The following WBP4 variants were observed in gnomAD, a reference collection of about 807,000 sequenced individuals.
The protein encoded by WBP4 is WW domain binding protein 4.
In WBP4, 37 loss-of-function variants were observed where a neutral mutation model predicts 55.4. That is an observed-to-expected ratio of 0.67 (90% confidence interval 0.51 to 0.88). The LOEUF is 0.88. Ranked by LOEUF, WBP4 falls within the 40% of genes least tolerant of loss-of-function variation. The probability of loss-of-function intolerance (pLI) is 0.00; values close to 1 mark genes in which losing one functional copy is unlikely to be tolerated. For missense variants in WBP4, 398 were observed against 420.8 expected, an observed-to-expected ratio of 0.95 and a Z score of 0.47; for synonymous variants, 142 against 140.2, an observed-to-expected ratio of 1.01 and a Z score of -0.09.
chr13:41,062,217 T>G (rs1441661955), intron 1 of WBP4: 17 of 976,780 alleles, frequency 1.7e-5, no homozygotes, highest in Non-Finnish European at 2.1e-5. Flanking sequence ...TGGGAGGAAC[T>G]ACAGTTTTCC....
At chr13:41,066,379 A>T (rs990715415) in intron 4 of WBP4, among the ~76,000 whole-genome samples, 1 of 152,228 alleles carries the variant, frequency 6.6e-6, no homozygotes, top group Non-Finnish European at 1.5e-5. Context: ...TTAAAAACTC[A>T]CTAACTGTTA....
chr13:41,072,794 A>G lies in WBP4; in HGVS notation c.499A>G (p.Thr167Ala). Reference protein sequence around the residue: ...QGDLKKTAVKTVWVEGLSEDG... With the variant: ...QGDLKKTAVKAVWVEGLSEDG... ...TTCCTCCTATTAGACAGCAGTGAAG[A>G]CCGTTTGGGTAGAAGGTTTAAGTGA... is the stretch of plus-strand genomic sequence containing the variant. Residue 167 changes from threonine (T) to alanine (A), a missense_variant, in exon 7 of 10, where the codon ACC (threonine) becomes GCC (alanine). Coordinates refer to ENST00000379487, the MANE Select transcript of WBP4 (RefSeq NM_007187.5). 1 of 1,613,500 alleles carries G rather than the reference A, an allele frequency of 6.2e-7. No homozygotes were observed. Among genetic ancestry groups the G allele is most frequent in the Non-Finnish European group, 8.5e-7 (1 of 1,179,756 alleles).
rs190865642 is a variant in WBP4, at chr13:41,064,511, A to G, written c.76-505A>G. On this transcript the variant is annotated intron_variant, in intron 2 of 9. Transcript: ENST00000379487. ...ACATTTTGAACCATTACCACATTGT[A>G]TAAAAGTGTTTGCTTATAATTTACG... Among the ~76,000 whole-genome samples the G allele has an allele frequency of 6.4e-3, 968 of 152,326 alleles. 3 individuals carry two copies. The highest frequency in any genetic ancestry group is 0.01 in the Non-Finnish European group (683 of 67,984).
intron 7 of WBP4, among the ~76,000 whole-genome samples, chr13:41,074,027 GT>G (rs1182720368): frequency 2.0e-5 from 3 of 151,550 alleles, no homozygotes; most frequent in Non-Finnish European, 2.9e-5. Flanking sequence ...GCCCCCTGGG[GT>G]TCATGCCATT....
chr13:41,061,566 GGGA>G lies in WBP4; in HGVS notation c.-105_-103del, dbSNP rs1877636194. 1 of 1,554,328 alleles carries G rather than the reference GGGA, an allele frequency of 6.4e-7. No individual in the cohort carries two copies. The highest frequency in any genetic ancestry group is 8.8e-7 in the Non-Finnish European group (1 of 1,130,950). ...GACTGAGTAAGGTGTCTGGATCGGA[GGGA>G]GGTTCGGGTGGGCATCGGGCGGCTG... is the stretch of plus-strand genomic sequence containing the variant. On this transcript the variant is annotated 5_prime_UTR_variant, in exon 1 of 10. Coordinates refer to ENST00000379487, the MANE Select transcript of WBP4 (RefSeq NM_007187.5).
At chr13:41,065,457 C>T (rs1566208487) in intron 4 of WBP4, among the ~76,000 whole-genome samples, 170 bp downstream of exon 4, 1 of 152,014 alleles carries the variant, frequency 6.6e-6, no homozygotes, top group Non-Finnish European at 1.5e-5. Flanking sequence ...TGCTTATGCC[C>T]TTTTGTTGTA....
At chr13:41,061,993 C>T in intron 1 of WBP4, 1 of 962,442 alleles carries the variant, frequency 1.0e-6, no homozygotes, top group Non-Finnish European at 1.2e-6. Context: ...CGCATGCACC[C>T]CTTGGGTTTC....
In WBP4 at chr13:41,062,673, A is replaced by G; in HGVS notation, c.32A>G (p.Lys11Arg). 6.2e-7 allele frequency: 1 copy of G among 1,613,842 alleles called. No homozygotes were observed. Among genetic ancestry groups the G allele is most frequent in the Non-Finnish European group, 8.5e-7 (1 of 1,179,820 alleles). ...GACTACTGGAAGTCACAGCCAAAGA[A>G]ATTCTGTGATTACTGCAAGTGCTGG... is the stretch of plus-strand genomic sequence containing the variant. MADYWKSQPK[K>R]FCDYCKCWIA... Residue 11 changes from lysine (K) to arginine (R), a missense_variant, in exon 2 of 10, where the codon AAA (lysine) becomes AGA (arginine). Coordinates refer to ENST00000379487, the MANE Select transcript of WBP4 (RefSeq NM_007187.5).
intron 7 of WBP4, among the ~76,000 whole-genome samples, chr13:41,073,248 A>T (rs1359763996): frequency 6.6e-6 from 1 of 152,180 alleles, no homozygotes; most frequent in Non-Finnish European, 1.5e-5. Flanking sequence ...GCACAGTGGC[A>T]CATGCCTGTA....
chr13:41,081,139 G>A (rs879300853), intron 9 of WBP4, among the ~76,000 whole-genome samples: 4 of 152,112 alleles, frequency 2.6e-5, no homozygotes, highest in African/African-American at 9.7e-5. Flanking sequence ...GGAGGTTGCA[G>A]TGAGCTGAAA....
At chr13:41,073,416 G>A (rs941129374) in intron 7 of WBP4, among the ~76,000 whole-genome samples, 2 of 151,914 alleles carry the variant, frequency 1.3e-5, no homozygotes, top group Non-Finnish European at 2.9e-5. Flanking sequence ...TTGGGAGGCT[G>A]AGACAGGAGA....
intron 1 of WBP4, chr13:41,062,145 C>T: frequency 1.1e-6 from 1 of 951,308 alleles, no homozygotes; most frequent in Non-Finnish European, 1.2e-6. Flanking sequence ...TACGAAGTCC[C>T]ATGGCTTTTC....
intron 2 of WBP4, among the ~76,000 whole-genome samples, 199 bp downstream of exon 2, chr13:41,062,915 T>C (rs1877764349): frequency 6.6e-6 from 1 of 152,234 alleles, no homozygotes; most frequent in Non-Finnish European, 1.5e-5. Context: ...TTTGATTATA[T>C]ATTAAATTAT....
At chr13:41,067,957 G>C (rs1044786924) in intron 4 of WBP4, among the ~76,000 whole-genome samples, 3 of 152,164 alleles carry the variant, frequency 2.0e-5, no homozygotes, top group African/African-American at 7.2e-5. Flanking sequence ...GAAGGGAGCA[G>C]GTAGTGGGGA....
chr13:41,077,499 A>G (rs1593432989), intron 8 of WBP4, among the ~76,000 whole-genome samples: 1 of 152,136 alleles, frequency 6.6e-6, no homozygotes, highest in East Asian at 1.9e-4. Context: ...CTCAAAAAAA[A>G]AAGAAGAGCC....
At chr13:41,066,384 CTG>C (rs1877975309) in intron 4 of WBP4, among the ~76,000 whole-genome samples, 1 of 152,234 alleles carries the variant, frequency 6.6e-6, no homozygotes, top group East Asian at 1.9e-4. Context: ...AACTCACTAA[CTG>C]TTAAGATTTT....
intron 6 of WBP4, among the ~76,000 whole-genome samples, chr13:41,072,513 A>T (rs1878293393): frequency 6.6e-6 from 1 of 152,226 alleles, no homozygotes; most frequent in Non-Finnish European, 1.5e-5. Context: ...ACCAGATCTC[A>T]GGGTAGCTTG....
rs191243812 is a variant in WBP4, at chr13:41,069,490, G to A, written c.439+753G>A. ...ATCCTAGCTAACATGGTGAAACCCC[G>A]TCTCTACTGAAAAAACAAAAAATTA... On this transcript the variant is annotated intron_variant, in intron 5 of 9. Transcript: ENST00000379487. 1.9e-4 allele frequency among the ~76,000 whole-genome samples: 29 copies of A among 152,062 alleles called. No homozygotes were observed. The East Asian group carries it at 1.9e-3, about 10-fold the overall frequency.
chr13:41,065,075 T>G lies in WBP4; in HGVS notation c.135T>G (p.Ser45Arg). Residue 45 changes from serine to arginine, a missense_variant, in exon 3 of 10, where the codon AGT becomes AGG. Coordinates refer to ENST00000379487, the MANE Select transcript of WBP4 (RefSeq NM_007187.5). ...NHKENVAKRISEIKQKSLDKA... is the reference protein window; with the variant it reads ...NHKENVAKRIREIKQKSLDKA... ...AGGAAAATGTGGCAAAAAGGATCAG[T>G]GAGGTAATTTAGATTGTTTATTTGC... The G allele has an allele frequency of 6.3e-7, 1 of 1,598,924 alleles. No homozygotes were observed. The highest frequency in any genetic ancestry group is 8.5e-7 in the Non-Finnish European group (1 of 1,176,116).
Sources: allele counts gnomAD v4.1 joint callset (sites outside exome capture counted in the v4.1 genomes callset), GRCh38; gene constraint gnomAD v4.1.1; transcripts MANE v1.5; gene names NCBI Gene and HGNC (gene_info 2026-07-23, HGNC 2026-07-21).